Variants in PCDHA2 observed in about 807,000 individuals in gnomAD.
PCDHA2 encodes protocadherin alpha-2.
PCDHA2 carries 58 observed loss-of-function variants against 66.0 expected under a neutral mutation model. That is an observed-to-expected ratio of 0.88 (90% confidence interval 0.71 to 1.09). PCDHA2 has a LOEUF of 1.09. PCDHA2 is among the 50% of genes least tolerant of loss of function. The pLI, the probability that PCDHA2 is intolerant of heterozygous loss-of-function variation, is 0.00. For synonymous variants in PCDHA2, 634 were observed against 554.0 expected, an observed-to-expected ratio of 1.14 and a Z score of -2.03; for missense variants, 1,267 against 1,242.3, an observed-to-expected ratio of 1.02 and a Z score of -0.30.
chr5:141,008,872 A>C (rs1174901625), intron 3 of PCDHA2, among the ~76,000 whole-genome samples: 1 of 152,140 alleles, frequency 6.6e-6, no homozygotes, highest in Non-Finnish European at 1.5e-5. Context: ...GCTGCATCCC[A>C]CCACCCTTCA....
intron 1 of PCDHA2, chr5:140,864,231 T>C (rs949424981): frequency 6.6e-6 from 1 of 152,222 alleles, no homozygotes; most frequent in East Asian, 1.9e-4. Flanking sequence ...AAGCAAGTTC[T>C]TTATTCCTAT....
intron 1 of PCDHA2, chr5:140,849,931 C>T (rs2150458140): frequency 1.9e-6 from 3 of 1,598,012 alleles, no homozygotes; most frequent in Non-Finnish European, 1.7e-6. Flanking sequence ...ACGGTGTCTG[C>T]GCGGGACGCT....
intron 1 of PCDHA2, chr5:140,927,190 G>A (rs1554204161): frequency 6.2e-7 from 1 of 1,614,156 alleles, no homozygotes; most frequent in South Asian, 1.1e-5. Context: ...CTACGACCTG[G>A]TGCTCGAGGA....
chr5:140,977,012 TTC>T (rs2096742095), intron 1 of PCDHA2, among the ~76,000 whole-genome samples: 1 of 152,220 alleles, frequency 6.6e-6, no homozygotes, highest in African/African-American at 2.4e-5. Context: ...GTAACTGTGA[TTC>T]TGTCAAATGA....
chr5:140,904,150 C>A (rs1005130566), intron 1 of PCDHA2, among the ~76,000 whole-genome samples: 1 of 152,036 alleles, frequency 6.6e-6, no homozygotes, highest in African/African-American at 2.4e-5. Flanking sequence ...GTATACATTG[C>A]ACCCAGTTTG....
At chr5:140,805,192 G>A in intron 1 of PCDHA2, 1 of 1,461,762 alleles carries the variant, frequency 6.8e-7, no homozygotes. Context: ...AATAAATATT[G>A]AATAGCTACC....
At chr5:140,857,467 C>T in intron 1 of PCDHA2, 3 of 1,598,642 alleles carry the variant, frequency 1.9e-6, no homozygotes, top group Non-Finnish European at 2.6e-6. Flanking sequence ...GCTGCCACAT[C>T]TTCACGGTGT....
chr5:140,986,195 A>G (rs1200850544), intron 3 of PCDHA2, among the ~76,000 whole-genome samples: 1 of 152,314 alleles, frequency 6.6e-6, no homozygotes, highest in Non-Finnish European at 1.5e-5. Context: ...TAAATTGGTT[A>G]ATCCTGATTA....
At chr5:140,829,649 C>T (rs1554132155) in intron 1 of PCDHA2, 7 of 1,612,288 alleles carry the variant, frequency 4.3e-6, no homozygotes, top group African/African-American at 1.3e-5. Context: ...GGTGTACGCG[C>T]TGCAGCCGCT....
chr5:140,961,970 G>A (rs1282918892), intron 1 of PCDHA2, among the ~76,000 whole-genome samples: 1 of 150,888 alleles, frequency 6.6e-6, no homozygotes, highest in Non-Finnish European at 1.5e-5. Flanking sequence ...TGCAACCTCC[G>A]CCTCCTGGGT....
intron 3 of PCDHA2, among the ~76,000 whole-genome samples, chr5:141,000,423 T>TC (rs2097932931): frequency 9.0e-5 from 6 of 66,856 alleles, no homozygotes; most frequent in African/African-American, 3.6e-4. Flanking sequence ...ATATATATAT[T>TC]TTTTTTTTTT....
In PCDHA2 at chr5:140,800,986, C is replaced by G. The variant is rs4151679; in HGVS notation, c.2388+3634C>G. On this transcript the variant is annotated intron_variant, in intron 1 of 3. Transcript: ENST00000526136. Reference sequence around the variant, plus strand: ...AGAAGATACGTTTACATATTTAATACTTACACGTTTAGCCACATGATGTCG... The same window carrying G: ...AGAAGATACGTTTACATATTTAATAGTTACACGTTTAGCCACATGATGTCG... 14,324 of 1,364,358 alleles carry G rather than the reference C, an allele frequency of 0.01. 1,233 individuals carry two copies. The African/African-American group carries it at 0.19, about 18-fold the overall frequency. 84.5% of individuals were successfully genotyped at this position (1,364,358 alleles called of 1,614,324 possible). A position where few individuals can be genotyped will look rare whatever the true frequency, so the allele number is the denominator to read the frequency against.
chr5:140,858,275 G>C (rs2045316714), intron 1 of PCDHA2: 2 of 1,597,458 alleles, frequency 1.3e-6, no homozygotes, highest in African/African-American at 1.3e-5. Context: ...CTCTAGCGCG[G>C]TGGGGAGCTG....
intron 1 of PCDHA2, among the ~76,000 whole-genome samples, chr5:140,889,433 G>A (rs994872798): frequency 8.6e-5 from 13 of 151,828 alleles, no homozygotes; most frequent in Non-Finnish European, 1.9e-4. Context: ...TATTTTTTCA[G>A]GTATTTTCCT....
At chr5:140,885,157 C>G (rs2060491561) in intron 1 of PCDHA2, among the ~76,000 whole-genome samples, 1 of 151,962 alleles carries the variant, frequency 6.6e-6, no homozygotes, top group African/African-American at 2.4e-5. Context: ...TTGATTGTCT[C>G]TACTTTTTTG....
intron 3 of PCDHA2, among the ~76,000 whole-genome samples, chr5:140,986,776 C>T (rs916981139): frequency 2.6e-5 from 4 of 152,098 alleles, no homozygotes; most frequent in Non-Finnish European, 4.4e-5. Flanking sequence ...AATTAGGTAG[C>T]GGAAGCCACT....
At chr5:140,884,128 C>A (rs1554181251) in intron 1 of PCDHA2, 1 of 1,613,308 alleles carries the variant, frequency 6.2e-7, no homozygotes, top group Non-Finnish European at 8.5e-7. Flanking sequence ...GCGCGCGCAT[C>A]CCGTTCCGCG....
chr5:140,841,716 T>G lies in PCDHA2; in HGVS notation c.2388+44364T>G, dbSNP rs1554138489. The G allele has an allele frequency of 6.2e-7, 1 of 1,613,904 alleles. No homozygotes were observed. Among genetic ancestry groups the G allele is most frequent in the Admixed American group, 1.7e-5 (1 of 59,998 alleles). ...AAGGATGTTAATGACAACCCGCCAG[T>G]GTTCCGGGTAAAAGACCAAAAGCTG... On this transcript the variant is annotated intron_variant, in intron 1 of 3. Transcript: ENST00000526136.
chr5:140,809,511 G>A lies in PCDHA2; in HGVS notation c.2388+12159G>A, dbSNP rs374214403. On this transcript the variant is annotated intron_variant, in intron 1 of 3. Coordinates refer to ENST00000526136, the MANE Select transcript of PCDHA2 (RefSeq NM_018905.3). ...ACCGACCTCATGGCCTTCAGCCCCA[G>A]TTTACCTGACTCTAGGGACAGAGAA... 1.3e-5 allele frequency: 21 copies of A among 1,614,228 alleles called. No individual in the cohort carries two copies. The African/African-American group carries it at 1.9e-4, about 14-fold the overall frequency.
Sources: gnomAD v4.1 joint callset for allele counts (sites outside exome capture counted in the v4.1 genomes callset) on GRCh38, gnomAD v4.1.1 for gene constraint, MANE v1.5 for transcripts, NCBI Gene and HGNC (gene_info 2026-07-23, HGNC 2026-07-21) for gene names.